DNAH17: variants seen among roughly 807,000 people sequenced by gnomAD.
DNAH17 encodes axonemal beta dynein heavy chain 17.
In DNAH17, 376 loss-of-function variants were observed where a neutral mutation model predicts 485.6. The ratio of observed to expected loss-of-function variants is 0.77; its 90% CI spans 0.71 to 0.84. DNAH17 has a LOEUF of 0.84. Among genes scored for constraint, DNAH17 ranks in the 40% least tolerant of loss-of-function variants. The pLI, the probability that DNAH17 is intolerant of heterozygous loss-of-function variation, is 0.00. For synonymous variants in DNAH17, 3,031 were observed against 2,405.9 expected, an observed-to-expected ratio of 1.26 and a Z score of -7.60; for missense variants, 6,370 against 5,839.3, an observed-to-expected ratio of 1.09 and a Z score of -2.96.
At position 78,445,585 on chromosome 17, in the gene DNAH17, G is replaced by C. The variant is rs754762205; in HGVS notation, c.11307C>G (p.Leu3769=). The C allele has an allele frequency of 1.3e-6, 2 of 1,563,344 alleles. No individual in the cohort carries two copies. Among genetic ancestry groups the C allele is most frequent in the South Asian group, 1.2e-5 (1 of 84,870 alleles). ...KAGVVSPVDF[L]QHQGWGGIKA... ...TGATCCCGCCCCAGCCTTGATGCTG[G>C]AGGAAGTCCACTGGTGAGACCACTC... Residue 3769 remains leucine, a synonymous_variant, in exon 70 of 81, where the codon CTC becomes CTG. Coordinates refer to ENST00000389840, the MANE Select transcript of DNAH17 (RefSeq NM_173628.4).
Position 78,525,013 on chromosome 17 carries a change from A to G in DNAH17, c.3860T>C (p.Val1287Ala). 3 of 1,612,480 alleles carry G rather than the reference A, an allele frequency of 1.9e-6. No homozygotes were observed. The highest frequency in any genetic ancestry group is 2.2e-5 in the South Asian group (2 of 91,044). The change falls in exon 25 of 81, where the codon GTT becomes GCT. Residue 1287 changes from valine to alanine, a missense_variant. By Grantham distance (64) the Val-to-Ala change is moderately conservative (BLOSUM62 0). Transcript: ENST00000389840. Reference sequence around the variant, plus strand: ...CGCGGCGTGCCCTGCACTCACCACAACAACCATGTCCCAGAGCTCCTTCAG... The same window carrying G: ...CGCGGCGTGCCCTGCACTCACCACAGCAACCATGTCCCAGAGCTCCTTCAG... ...RLLKELWDMV[V>A]VVNTSIEDWK...
chr17:78,426,750 C>T, intron 78 of DNAH17, 150 bp from the exon 79 acceptor site: 1 of 1,310,258 alleles, frequency 7.6e-7, no homozygotes, highest in Non-Finnish European at 1.1e-6. Flanking sequence ...GCGCTTCCTG[C>T]TAAGGAACGG....
intron 21 of DNAH17, among the ~76,000 whole-genome samples, chr17:78,530,025 G>A (rs1157816531): frequency 6.6e-6 from 1 of 152,228 alleles, no homozygotes; most frequent in Non-Finnish European, 1.5e-5. Context: ...GGCCCTGATG[G>A]CCGCCTATAA....
Position 78,427,100 on chromosome 17 carries a change from G to T in DNAH17, c.12597C>A (p.Ala4199=). ...TCTTCTCCAGGATGTCGTCCAGCAC[G>T]GCCTTCACCTGGAAGCCAGTCCCCG... ...TGVSREEKVK[A]VLDDILEKIP... The change falls in exon 78 of 81, where the codon GCC becomes GCA. Residue 4199 remains alanine, a synonymous_variant. Transcript: ENST00000389840. The T allele has an allele frequency of 6.4e-7, 1 of 1,572,708 alleles. No individual in the cohort carries two copies. Among genetic ancestry groups the T allele is most frequent in the Non-Finnish European group, 8.6e-7 (1 of 1,159,378 alleles).
chr17:78,462,838 T>G lies in DNAH17; in HGVS notation c.9174+6A>C. 1 of 1,613,786 alleles carries G rather than the reference T, an allele frequency of 6.2e-7. No individual in the cohort carries two copies. Among genetic ancestry groups the G allele is most frequent in the South Asian group, 1.1e-5 (1 of 91,042 alleles). On this transcript the variant is annotated splice_donor_region_variant and intron_variant, in intron 57 of 80. Transcript: ENST00000389840. The stretch of plus-strand genomic sequence containing the variant: ...CAGGAGCTGGCAGCCAGCCCCCCTC[T>G]CCTACCTGGGAAGCCGTGCTCTGCA...
intron 44 of DNAH17, among the ~76,000 whole-genome samples, chr17:78,488,045 A>G (rs1350486490): frequency 6.6e-6 from 1 of 151,816 alleles, no homozygotes; most frequent in Non-Finnish European, 1.5e-5. Flanking sequence ...TCAGTAGGGG[A>G]GATTGATTTG....
intron 13 of DNAH17, among the ~76,000 whole-genome samples, chr17:78,558,641 T>C (rs1353190541): frequency 6.6e-6 from 1 of 152,222 alleles, no homozygotes; most frequent in Non-Finnish European, 1.5e-5. Flanking sequence ...GATATCATCA[T>C]CACCATGGGT....
intron 64 of DNAH17, among the ~76,000 whole-genome samples, chr17:78,453,793 T>C (rs1052026563): frequency 2.0e-5 from 3 of 152,222 alleles, no homozygotes; most frequent in African/African-American, 7.2e-5. Flanking sequence ...GCTCAAGTGA[T>C]CCTCCCATCG....
chr17:78,472,907 C>T lies in DNAH17; in HGVS notation c.8511+2371G>A, dbSNP rs974405592. The T allele has an allele frequency of 3.5e-5, 11 of 317,602 alleles. No homozygotes were observed. The East Asian group carries it at 4.0e-4, about 11-fold the overall frequency. The allele number at this position is 317,602 out of a possible 1,614,324, so 19.7% of individuals were successfully genotyped here. A position where few individuals can be genotyped will look rare whatever the true frequency, so the allele number is the denominator to read the frequency against. ...TCCTAGAACACTACCACATCCTGCCCGCTCTATCCCCTGATCAGACATCTT... is the reference window on the plus strand; with the variant it reads ...TCCTAGAACACTACCACATCCTGCCTGCTCTATCCCCTGATCAGACATCTT... On this transcript the variant is annotated intron_variant, in intron 54 of 80. Coordinates refer to ENST00000389840, the MANE Select transcript of DNAH17 (RefSeq NM_173628.4).
chr17:78,551,213 G>A (rs934050582), intron 16 of DNAH17, among the ~76,000 whole-genome samples: 2 of 152,226 alleles, frequency 1.3e-5, no homozygotes, highest in Admixed American at 6.5e-5. Flanking sequence ...TACTGCTTCT[G>A]TACTGAGCAA....
Position 78,467,361 on chromosome 17 carries a change from C to T in DNAH17, c.8779-545G>A, listed in dbSNP as rs74750297. Among the ~76,000 whole-genome samples the T allele has an allele frequency of 2.1e-4, 32 of 152,306 alleles. No individual in the cohort carries two copies. In the East Asian group the frequency reaches 3.5e-3, roughly 17 times the overall value. On this transcript the variant is annotated intron_variant, in intron 55 of 80. Coordinates refer to ENST00000389840, the MANE Select transcript of DNAH17 (RefSeq NM_173628.4). The stretch of plus-strand genomic sequence containing the variant: ...CCCCTTTCGTGGCATAGGTGTTGCA[C>T]GGACGCTGCCATTGAATGGGGTGGC...
intron 75 of DNAH17, among the ~76,000 whole-genome samples, chr17:78,429,572 G>A (rs1015326617): frequency 1.3e-5 from 2 of 152,154 alleles, no homozygotes; most frequent in Admixed American, 1.3e-4. Flanking sequence ...CTTGGACAGC[G>A]CTTCCACAGC....
chr17:78,472,193 C>G (rs641888), intron 54 of DNAH17, among the ~76,000 whole-genome samples: 53,297 of 151,022 alleles, frequency 0.35, 12,592 homozygotes, highest in African/African-American at 0.68. Flanking sequence ...AGGCAGGACA[C>G]GGAGCCGAGA....
chr17:78,462,770 C>A, intron 57 of DNAH17, 74 bp downstream of exon 57: 1 of 1,471,236 alleles, frequency 6.8e-7, no homozygotes, highest in Non-Finnish European at 9.4e-7. Context: ...CCCGTGGATG[C>A]CTGTGACAGT....
At position 78,485,298 on chromosome 17, in the gene DNAH17, CG is replaced by C. The variant is rs1047985339; in HGVS notation, c.7483+251del. 208 of 618,588 alleles carry C rather than the reference CG, an allele frequency of 3.4e-4. 1 individual carries two copies. Among genetic ancestry groups the C allele is most frequent in the African/African-American group, 3.1e-3 (166 of 53,954 alleles). The allele number at this position is 618,588 out of a possible 1,614,324, so 38.3% of individuals were successfully genotyped here. ...CGCCTTAGATTGGCTGAGACACTCC[CG>C]GGGGACCTGCTGCCTCGACTGGCCA... On this transcript the variant is annotated intron_variant, in intron 47 of 80. Transcript: ENST00000389840.
At chr17:78,528,491 C>G (rs1304376268) in intron 22 of DNAH17, among the ~76,000 whole-genome samples, 1 of 152,148 alleles carries the variant, frequency 6.6e-6, no homozygotes, top group Admixed American at 6.5e-5. Flanking sequence ...CTCTTGTCAC[C>G]CCCAGGGCTG....
rs1447487541 is a variant in DNAH17, at chr17:78,437,634, G to A, written c.12033+7C>T. Reference sequence around the variant, plus strand: ...TGGGGAGGCAGCCCGAGCAGGCGTGGCCCTACCTGGGTGAACAGGTCCAGG... The same window carrying A: ...TGGGGAGGCAGCCCGAGCAGGCGTGACCCTACCTGGGTGAACAGGTCCAGG... On this transcript the variant is annotated splice_region_variant and intron_variant, in intron 74 of 80. Transcript: ENST00000389840. 5 of 1,599,980 alleles carry A rather than the reference G, an allele frequency of 3.1e-6. No homozygotes were observed. The highest frequency in any genetic ancestry group is 4.3e-6 in the Non-Finnish European group (5 of 1,172,596).
chr17:78,482,028 A>C (rs1000079553), intron 48 of DNAH17, among the ~76,000 whole-genome samples: 2 of 151,900 alleles, frequency 1.3e-5, no homozygotes, highest in African/African-American at 4.8e-5. Flanking sequence ...AATAAAATAA[A>C]ATAAGCTGAA....
chr17:78,437,661 C>T lies in DNAH17; in HGVS notation c.12013G>A (p.Ala4005Thr), dbSNP rs987985158. ...PTGMHANLHK[A>T]LDLFTQDTLE... ...CCTACCTGGGTGAACAGGTCCAGGG[C>T]CTTGTGCAAGTTGGCGTGCATGCCC... The change falls in exon 74 of 81, where the codon GCC (alanine) becomes ACC (threonine). Residue 4005 changes from alanine to threonine, a missense_variant. Coordinates refer to ENST00000389840, the MANE Select transcript of DNAH17 (RefSeq NM_173628.4). 6 of 1,610,076 alleles carry T rather than the reference C, an allele frequency of 3.7e-6. No individual in the cohort carries two copies. The highest frequency in any genetic ancestry group is 1.7e-5 in the Admixed American group (1 of 59,772).
Sources: allele counts gnomAD v4.1 joint callset (sites outside exome capture counted in the v4.1 genomes callset), GRCh38; gene constraint gnomAD v4.1.1; transcripts MANE v1.5; gene names NCBI Gene and HGNC (gene_info 2026-07-23, HGNC 2026-07-21).